Variants in SNX29 observed in about 807,000 individuals in gnomAD.
The protein encoded by SNX29 is sorting nexin-29.
A neutral mutation model predicts 102.1 loss-of-function variants in SNX29; 78 were observed. The ratio of observed to expected loss-of-function variants is 0.76; its 90% confidence interval spans 0.64 to 0.92. The LOEUF is 0.92. SNX29 is among the 40% of genes least tolerant of loss of function. The pLI is 0.00. For synonymous variants in SNX29, 580 were observed against 414.5 expected (o/e 1.40, Z -4.85); for missense variants, 1,280 against 1,061.7 (o/e 1.21, Z -2.86).
At chr16:12,359,013 A>G (rs1041421927) in intron 16 of SNX29, among the ~76,000 whole-genome samples, 1 of 152,240 alleles carries the variant, frequency 6.6e-6, no homozygotes, top group African/African-American at 2.4e-5. Context: ...TAGCAAATTA[A>G]TGGAACCCAA....
At chr16:12,523,466 C>T (rs774058193) in intron 19 of SNX29, among the ~76,000 whole-genome samples, 4 of 152,224 alleles carry the variant, frequency 2.6e-5, no homozygotes, top group Non-Finnish European at 5.9e-5. Context: ...CTTGTCCCGG[C>T]CCCGATGCTC....
At chr16:12,207,324 G>T (rs529407342) in intron 14 of SNX29, among the ~76,000 whole-genome samples, 1 of 152,200 alleles carries the variant, frequency 6.6e-6, no homozygotes, top group South Asian at 2.1e-4. Flanking sequence ...AGCCAAGATC[G>T]CACCACTTCA....
At chr16:12,435,727 C>A (rs1278274430) in intron 18 of SNX29, among the ~76,000 whole-genome samples, 1 of 152,172 alleles carries the variant, frequency 6.6e-6, no homozygotes, top group Non-Finnish European at 1.5e-5. Flanking sequence ...CTAGAAGGCC[C>A]CAGCTGGAAT....
intron 18 of SNX29, among the ~76,000 whole-genome samples, chr16:12,450,662 C>T (rs1048751152): frequency 2.0e-5 from 3 of 152,154 alleles, no homozygotes; most frequent in Admixed American, 1.3e-4. Context: ...CAATATGAAC[C>T]AGGTGGCCCA....
At chr16:12,315,595 A>AGAG (rs1175710120) in intron 15 of SNX29, among the ~76,000 whole-genome samples, 1 of 152,206 alleles carries the variant, frequency 6.6e-6, no homozygotes, top group African/African-American at 2.4e-5. Context: ...GAGACAGTGT[A>AGAG]AAGACACCAC....
At chr16:12,543,067 C>T (rs991199437) in intron 20 of SNX29, among the ~76,000 whole-genome samples, 5 of 152,306 alleles carry the variant, frequency 3.3e-5, no homozygotes, top group African/African-American at 1.2e-4. Context: ...CTGTTGGTTT[C>T]ACCCTCAAGC....
intron 16 of SNX29, among the ~76,000 whole-genome samples, chr16:12,396,712 C>T (rs924425166): frequency 5.9e-5 from 9 of 152,136 alleles, no homozygotes; most frequent in African/African-American, 2.2e-4. Flanking sequence ...TAGGAAGGCA[C>T]CATCTCTGAC....
intron 18 of SNX29, among the ~76,000 whole-genome samples, chr16:12,451,755 T>C (rs1156835607): frequency 6.6e-6 from 1 of 152,112 alleles, no homozygotes; most frequent in Admixed American, 6.5e-5. Flanking sequence ...TCCCAGCTAC[T>C]AGGGAGGCTG....
intron 14 of SNX29, among the ~76,000 whole-genome samples, chr16:12,254,983 C>T (rs889693341): frequency 2.0e-5 from 3 of 152,060 alleles, no homozygotes; most frequent in African/African-American, 7.2e-5. Context: ...ATGGCAGGGA[C>T]GTGCAGCAGG....
intron 8 of SNX29, among the ~76,000 whole-genome samples, chr16:12,057,150 A>G (rs1234279660): frequency 6.6e-6 from 1 of 152,210 alleles, no homozygotes; most frequent in South Asian, 2.1e-4. Context: ...TATGTGCTCT[A>G]TGATACCGGT....
chr16:12,442,581 G>GT (rs1203275110), intron 18 of SNX29, among the ~76,000 whole-genome samples: 14 of 149,370 alleles, frequency 9.4e-5, no homozygotes, highest in Admixed American at 1.3e-4. Flanking sequence ...GTGACTGTGT[G>GT]TTTTTTTGTT....
At chr16:12,301,325 C>T (rs900713155) in intron 15 of SNX29, among the ~76,000 whole-genome samples, 2 of 152,226 alleles carry the variant, frequency 1.3e-5, no homozygotes, top group African/African-American at 4.8e-5. Context: ...ACATCTCCTG[C>T]CTTACCTGTC....
At chr16:12,548,097 G>T (rs1341573342) in intron 20 of SNX29, among the ~76,000 whole-genome samples, 1 of 152,190 alleles carries the variant, frequency 6.6e-6, no homozygotes, top group African/African-American at 2.4e-5. Flanking sequence ...GTTGCTAAGG[G>T]ACATTGAGGT....
intron 20 of SNX29, among the ~76,000 whole-genome samples, chr16:12,555,345 T>C (rs62028165): frequency 0.8 from 121,854 of 151,746 alleles, 49,097 homozygotes; most frequent in Middle Eastern, 0.85. Flanking sequence ...CTGAGAAACA[T>C]GTTGGTTAAC....
chr16:12,439,386 T>C (rs775971375), intron 18 of SNX29, among the ~76,000 whole-genome samples: 1 of 152,166 alleles, frequency 6.6e-6, no homozygotes. Flanking sequence ...GCCACTATAT[T>C]AGTTTGTTTT....
intron 11 of SNX29, among the ~76,000 whole-genome samples, chr16:12,083,305 C>CA (rs373592693): frequency 0.042 from 5,484 of 130,728 alleles, 320 homozygotes; most frequent in African/African-American, 0.13. Flanking sequence ...GACTATGTCT[C>CA]AAAAAAAAAA....
intron 16 of SNX29, among the ~76,000 whole-genome samples, chr16:12,393,142 T>A (rs972594823): frequency 9.2e-5 from 14 of 152,194 alleles, no homozygotes; most frequent in Admixed American, 9.2e-4. Context: ...AAATTATGGC[T>A]GCCATTTCAT....
In SNX29 at chr16:12,524,746, C is replaced by A. The variant is rs1428235389; in HGVS notation, c.2223C>A (p.Tyr741Ter). Residue 741 changes from tyrosine to a stop codon, truncating the protein, a stop_gained, in exon 20 of 21, where the codon TAC becomes TAA. Transcript: ENST00000566228. LOFTEE classifies it high-confidence loss of function. ...AACGGAGAAAGCAGCTCCAGAATTA[C>A]CTGCGCAGCGTCATGAACAAAGTCA... The part of the protein sequence containing the change: ...VEERRKQLQN[Y>*]LRSVMNKVIQ... The A allele has an allele frequency of 1.2e-6, 2 of 1,613,468 alleles. No individual in the cohort carries two copies. The highest frequency in any genetic ancestry group is 1.7e-5 in the Admixed American group (1 of 59,930).
intron 14 of SNX29, among the ~76,000 whole-genome samples, chr16:12,219,924 A>ACACGTGTACACACACGTG (rs1205669901): frequency 1.3e-5 from 2 of 152,240 alleles, no homozygotes; most frequent in East Asian, 3.9e-4. Context: ...CCCAGCGCAC[A>ACACGTGTACACACACGTG]CACGTGTACA....
Sources: allele counts gnomAD v4.1 joint callset (sites outside exome capture counted in the v4.1 genomes callset), GRCh38; gene constraint gnomAD v4.1.1; transcripts MANE v1.5; gene names NCBI Gene and HGNC (gene_info 2026-07-23, HGNC 2026-07-21).